KLHL40: variants seen among roughly 807,000 people sequenced by gnomAD.
KLHL40 encodes the protein kelch like family member 40.
KLHL40 carries 44 observed loss-of-function variants against 49.7 expected under a neutral mutation model. The ratio of observed to expected loss-of-function variants is 0.89; its 90% CI spans 0.70 to 1.14. The LOEUF is 1.14. Among genes scored for constraint, KLHL40 ranks in the 50% most tolerant of loss-of-function variants. KLHL40 has a pLI of 0.00. For synonymous variants in KLHL40, 409 were observed against 365.2 expected, an observed-to-expected ratio of 1.12 and a Z score of -1.37; for missense variants, 892 against 850.3, an observed-to-expected ratio of 1.05 and a Z score of -0.61.
chr3:42,686,714 G>A lies in KLHL40; in HGVS notation c.1096G>A (p.Gly366Ser). The A allele has an allele frequency of 6.2e-7, 1 of 1,613,450 alleles. No homozygotes were observed. The highest frequency in any genetic ancestry group is 1.1e-5 in the South Asian group (1 of 91,080). ...GGAGAACCAGGTCTTCGTGGCTGGA[G>A]GCCTCTTCTACAACGAAGACAACAA... ...TKENQVFVAG[G>S]LFYNEDNKED... The change falls in exon 1 of 6, where the codon GGC (glycine) becomes AGC (serine). Residue 366 changes from glycine to serine, a missense_variant. Gly to Ser is a moderately conservative substitution (Grantham distance 56). Transcript: ENST00000287777.
chr3:42,686,971 C>G (rs1050040332), intron 1 of KLHL40, among the ~76,000 whole-genome samples: 1 of 152,232 alleles, frequency 6.6e-6, no homozygotes, highest in Non-Finnish European at 1.5e-5. Context: ...AGCAGCATAA[C>G]TTTGGTATCT....
chr3:42,688,498 A>G lies in KLHL40; in HGVS notation c.1314-112A>G. The G allele has an allele frequency of 1.0e-6, 1 of 982,172 alleles. No individual in the cohort carries two copies. Among genetic ancestry groups the G allele is most frequent in the Non-Finnish European group, 1.6e-6 (1 of 637,208 alleles). The allele number at this position is 982,172 out of a possible 1,614,324, so 60.8% of individuals were successfully genotyped here. ...GAGGCCTCGGAAGTTCCAGCAATGG[A>G]TCTGACGCATCTCGAATATGTGTTA... On this transcript the variant is annotated intron_variant, in intron 2 of 5. Coordinates refer to ENST00000287777, the MANE Select transcript of KLHL40 (RefSeq NM_152393.4). The surrounding 1 kb of genome is among the most constrained non-coding windows in gnomAD (Gnocchi z 4.2).
At chr3:42,690,617 T>A (rs1697348016) in intron 4 of KLHL40, among the ~76,000 whole-genome samples, 1 of 151,136 alleles carries the variant, frequency 6.6e-6, no homozygotes, top group Admixed American at 6.6e-5. Context: ...AGATCCATGG[T>A]GGACTTTGCT....
chr3:42,690,518 C>A (rs144953156), intron 4 of KLHL40, among the ~76,000 whole-genome samples: 98 of 152,034 alleles, frequency 6.4e-4, no homozygotes, highest in African/African-American at 2.2e-3. Context: ...AAAAGGACTG[C>A]GTCCAGGGCA....
At position 42,688,668 on chromosome 3, in the gene KLHL40, C is replaced by G; in HGVS notation, c.1372C>G (p.Leu458Val). The change falls in exon 3 of 6, where the codon CTC becomes GTC. Residue 458 changes from leucine (L) to valine (V), a missense_variant. Transcript: ENST00000287777. The surrounding 1 kb of genome is among the most constrained non-coding windows in gnomAD (Gnocchi z 4.2). ...TTACGTGGTGTATGGCCACACAGTG[C>G]TCTCCCACATGGACCTTGTCTACGT... ...LPYVVYGHTV[L>V]SHMDLVYVIG... The G allele has an allele frequency of 2.5e-6, 4 of 1,614,028 alleles. No individual in the cohort carries two copies. The highest frequency in any genetic ancestry group is 3.4e-6 in the Non-Finnish European group (4 of 1,180,022).
chr3:42,687,873 C>G (rs918909264), intron 1 of KLHL40, among the ~76,000 whole-genome samples: 2 of 152,068 alleles, frequency 1.3e-5, no homozygotes, highest in African/African-American at 4.8e-5. Flanking sequence ...AGCTGGACCT[C>G]CCTCACAGAG....
rs1322169174 is a variant in KLHL40, at chr3:42,686,224, G to C, written c.606G>C (p.Ala202=). The part of the protein sequence containing the change: ...EAVFEAVMRW[A]GSGDAEAQAE... ...TGTTCGAGGCGGTGATGCGGTGGGCGGGTAGCGGCGACGCCGAGGCGCAGG... is the reference window on the plus strand; with the variant it reads ...TGTTCGAGGCGGTGATGCGGTGGGCCGGTAGCGGCGACGCCGAGGCGCAGG... Residue 202 remains alanine, a synonymous_variant, in exon 1 of 6, where the codon GCG becomes GCC. Transcript: ENST00000287777. The C allele has an allele frequency of 6.4e-7, 1 of 1,556,844 alleles. No individual in the cohort carries two copies. The highest frequency in any genetic ancestry group is 1.4e-5 in the African/African-American group (1 of 73,788).
intron 4 of KLHL40, among the ~76,000 whole-genome samples, chr3:42,690,519 G>A (rs374672278): frequency 9.2e-5 from 14 of 152,142 alleles, no homozygotes; most frequent in East Asian, 1.9e-4. Flanking sequence ...AAAGGACTGC[G>A]TCCAGGGCAA....
Position 42,686,721 on chromosome 3 carries a change from T to C in KLHL40, c.1103T>C (p.Phe368Ser). The C allele has an allele frequency of 1.9e-6, 3 of 1,613,260 alleles. No homozygotes were observed. Among genetic ancestry groups the C allele is most frequent in the East Asian group, 2.2e-5 (1 of 44,872 alleles). Residue 368 changes from phenylalanine to serine, a missense_variant, in exon 1 of 6, where the codon TTC becomes TCC. Transcript: ENST00000287777. ...ENQVFVAGGL[F>S]YNEDNKEDPM... ...CAGGTCTTCGTGGCTGGAGGCCTCT[T>C]CTACAACGAAGACAACAAAGAGGAC...
rs1018718676 is a variant in KLHL40 at position 42,685,835 on chromosome 3, C to T, written c.217C>T (p.His73Tyr). ...LAEPERAGEL[H>Y]LEEVSPDVVA... The stretch of plus-strand genomic sequence containing the variant: ...CGAGCCGGAGCGCGCGGGCGAGCTG[C>T]ACCTGGAGGAGGTGTCCCCGGACGT... The change falls in exon 1 of 6, where the codon CAC becomes TAC. Residue 73 changes from histidine (H) to tyrosine (Y), a missense_variant. Transcript: ENST00000287777. 6 of 1,613,288 alleles carry T rather than the reference C, an allele frequency of 3.7e-6. No homozygotes were observed. Among genetic ancestry groups the T allele is most frequent in the Non-Finnish European group, 4.2e-6 (5 of 1,179,914 alleles).
At position 42,686,013 on chromosome 3, in the gene KLHL40, A is replaced by G. The variant is rs767039942; in HGVS notation, c.395A>G (p.Asn132Ser). 7.5e-6 allele frequency: 12 copies of G among 1,610,246 alleles called. No homozygotes were observed. Among genetic ancestry groups the G allele is most frequent in the South Asian group, 2.2e-5 (2 of 91,070 alleles). The change falls in exon 1 of 6, where the codon AAC (asparagine) becomes AGC (serine). Residue 132 changes from asparagine to serine, a missense_variant. Physicochemically the swap from Asn to Ser is conservative, Grantham distance 46. Coordinates refer to ENST00000287777, the MANE Select transcript of KLHL40 (RefSeq NM_152393.4). Reference protein sequence around the residue: ...SFLQKRLCLSNCLAVFRLGLL... With the variant: ...SFLQKRLCLSSCLAVFRLGLL... ...CTGCAGAAGCGCCTGTGCCTCTCCA[A>G]CTGCTTGGCCGTCTTCCGTCTCGGC...
At position 42,688,102 on chromosome 3, in the gene KLHL40, G is replaced by A; in HGVS notation, c.1153-40G>A. 4 of 1,612,828 alleles carry A rather than the reference G, an allele frequency of 2.5e-6. No individual in the cohort carries two copies. Among genetic ancestry groups the A allele is most frequent in the Non-Finnish European group, 3.4e-6 (4 of 1,179,510 alleles). ...TGAGTGGGGCTGGGCTGAGGCTGGGGGAGTGGGGGGCGGTAGCTGACTGGA... is the reference window on the plus strand; with the variant it reads ...TGAGTGGGGCTGGGCTGAGGCTGGGAGAGTGGGGGGCGGTAGCTGACTGGA... On this transcript the variant is annotated intron_variant, in intron 1 of 5. Transcript: ENST00000287777. This position sits in a 1 kb window ranked among gnomAD's most constrained non-coding sequence, Gnocchi z 4.2.
At position 42,688,697 on chromosome 3, in the gene KLHL40, T is replaced by C. The variant is rs1404197060; in HGVS notation, c.1401T>C (p.Ile467=). The C allele has an allele frequency of 1.2e-6, 2 of 1,613,752 alleles. No homozygotes were observed. Among genetic ancestry groups the C allele is most frequent in the Non-Finnish European group, 1.7e-6 (2 of 1,179,878 alleles). The change falls in exon 3 of 6, where the codon ATT becomes ATC. Residue 467 remains isoleucine, a synonymous_variant. Transcript: ENST00000287777. This position sits in a 1 kb window ranked among gnomAD's most constrained non-coding sequence, Gnocchi z 4.2. The part of the protein sequence containing the change: ...VLSHMDLVYV[I]GGKGSDRKCL... ...CCCACATGGACCTTGTCTACGTAATTGGCGGCAAAGGCAGTGACAGGTGAG... is the reference window on the plus strand; with the variant it reads ...CCCACATGGACCTTGTCTACGTAATCGGCGGCAAAGGCAGTGACAGGTGAG...
chr3:42,692,449 C>G lies in KLHL40; in HGVS notation c.*456C>G, dbSNP rs888265172. 4.0e-5 allele frequency: 19 copies of G among 471,126 alleles called. No individual in the cohort carries two copies. Among genetic ancestry groups the G allele is most frequent in the African/African-American group, 3.1e-4 (16 of 51,444 alleles). 29.2% of individuals were successfully genotyped at this position (471,126 alleles called of 1,614,324 possible). On this transcript the variant is annotated 3_prime_UTR_variant, in exon 6 of 6. Transcript: ENST00000287777. ...GCAGCTCAGGGTCTGCATCAGTGCT[C>G]CAAGAGTCAGTGAGCAGGTGTGTTG... is the stretch of plus-strand genomic sequence containing the variant.
In KLHL40 at chr3:42,685,856, G is replaced by C. The variant is rs144461124; in HGVS notation, c.238G>C (p.Asp80His). Residue 80 changes from aspartate to histidine, a missense_variant, in exon 1 of 6, where the codon GAC (aspartate) becomes CAC (histidine). Asp to His is a moderately conservative substitution (Grantham distance 81). Transcript: ENST00000287777. Reference protein sequence around the residue: ...GELHLEEVSPDVVAQVLHYLY... With the variant: ...GELHLEEVSPHVVAQVLHYLY... ...GCTGCACCTGGAGGAGGTGTCCCCG[G>C]ACGTGGTGGCCCAGGTGCTGCACTA... 1,258 of 1,613,178 alleles carry C rather than the reference G, an allele frequency of 7.8e-4. 1 individual carries two copies. Among genetic ancestry groups the C allele is most frequent in the South Asian group, 9.7e-4 (88 of 91,088 alleles).
At position 42,686,249 on chromosome 3, in the gene KLHL40, G is replaced by A; in HGVS notation, c.631G>A (p.Ala211Thr). The change falls in exon 1 of 6, where the codon GCT (alanine) becomes ACT (threonine). Residue 211 changes from alanine (A) to threonine (T), a missense_variant. By Grantham distance (58) the Ala-to-Thr change is moderately conservative (BLOSUM62 0). Coordinates refer to ENST00000287777, the MANE Select transcript of KLHL40 (RefSeq NM_152393.4). Reference protein sequence around the residue: ...WAGSGDAEAQAERQRALPTVF... With the variant: ...WAGSGDAEAQTERQRALPTVF... ...GGGTAGCGGCGACGCCGAGGCGCAG[G>A]CTGAGCGCCAGCGCGCGCTGCCCAC... 1 of 1,555,420 alleles carries A rather than the reference G, an allele frequency of 6.4e-7. No individual in the cohort carries two copies. Among genetic ancestry groups the A allele is most frequent in the African/African-American group, 1.4e-5 (1 of 73,668 alleles).
chr3:42,689,776 A>C (rs957296407), intron 4 of KLHL40, among the ~76,000 whole-genome samples: 1 of 152,046 alleles, frequency 6.6e-6, no homozygotes, highest in African/African-American at 2.4e-5. Context: ...TTACACTGTG[A>C]TGGGCATGCA....
intron 4 of KLHL40, among the ~76,000 whole-genome samples, chr3:42,689,677 G>A (rs373480838): frequency 6.6e-6 from 1 of 152,068 alleles, no homozygotes; most frequent in African/African-American, 2.4e-5. Flanking sequence ...CAGGGGTCAG[G>A]AAGGTCAGGG....
At position 42,685,811 on chromosome 3, in the gene KLHL40, G is replaced by T; in HGVS notation, c.193G>T (p.Glu65Ter). 2 of 1,612,646 alleles carry T rather than the reference G, an allele frequency of 1.2e-6. No homozygotes were observed. Among genetic ancestry groups the T allele is most frequent in the Non-Finnish European group, 1.7e-6 (2 of 1,179,690 alleles). Residue 65 changes from glutamate (E) to a stop codon, truncating the protein, a stop_gained, in exon 1 of 6, where the codon GAG becomes TAG. Transcript: ENST00000287777. LOFTEE classifies it high-confidence loss of function. ...SPYFRARFLA[E>*]PERAGELHLE... ...CTACTTCCGGGCGCGCTTTCTAGCC[G>T]AGCCGGAGCGCGCGGGCGAGCTGCA...
Sources: allele counts gnomAD v4.1 joint callset (sites outside exome capture counted in the v4.1 genomes callset), GRCh38; gene constraint gnomAD v4.1.1; non-coding constraint Gnocchi (gnomAD v3.1); transcripts MANE v1.5; gene names NCBI Gene and HGNC (gene_info 2026-07-23, HGNC 2026-07-21).